The following MTUS1 variants were observed in gnomAD, a reference collection of about 807,000 sequenced individuals.
MTUS1 encodes the protein microtubule-associated tumor suppressor 1.
A neutral mutation model predicts 120.8 loss-of-function variants in MTUS1; 109 were observed. The observed-to-expected ratio is 0.90, with a 90% CI of 0.77 to 1.06. The LOEUF (loss-of-function observed/expected upper bound fraction) is 1.06. MTUS1 is among the 50% of genes least tolerant of loss of function. MTUS1 has a pLI of 0.00. For missense variants in MTUS1, 2,210 were observed against 1,486.3 expected (o/e 1.49, Z -8.01); for synonymous variants, 737 against 550.5 (o/e 1.34, Z -4.74).
chr8:17,645,690 G>C lies in MTUS1; in HGVS notation c.*236C>G, dbSNP rs1283126729. On this transcript the variant is annotated 3_prime_UTR_variant, in exon 15 of 15. Coordinates refer to ENST00000693296, the MANE Select transcript of MTUS1 (RefSeq NM_001363059.2). ...TGCTTTGTGCAACAACGTCCGTGTC[G>C]ATGCCGAAATCTTTTTTTAAATCTT... 4 of 477,168 alleles carry C rather than the reference G, an allele frequency of 8.4e-6. No homozygotes were observed. Among genetic ancestry groups the C allele is most frequent in the South Asian group, 7.6e-5 (2 of 26,198 alleles). The allele number at this position is 477,168 out of a possible 1,614,324, so 29.6% of individuals were successfully genotyped here.
rs979584866 is a variant in MTUS1 at position 17,755,436 on chromosome 8, T to G, written c.372A>C (p.Leu124=). Reference sequence around the variant, plus strand: ...CAACACTCTGGCCCTCAACTGCTTCTAGGGAATGACAACTGTGTTGCAGAT... The same window carrying G: ...CAACACTCTGGCCCTCAACTGCTTCGAGGGAATGACAACTGTGTTGCAGAT... ...PKYLQHSCHS[L]EAVEGQSVEP... Residue 124 remains leucine (L), a synonymous_variant, in exon 2 of 15, where the codon CTA becomes CTC. Transcript: ENST00000693296. 1.2e-6 allele frequency: 2 copies of G among 1,614,216 alleles called. No homozygotes were observed. The highest frequency in any genetic ancestry group is 1.7e-6 in the Non-Finnish European group (2 of 1,180,014).
chr8:17,713,087 T>G, intron 6 of MTUS1, 127 bp downstream of exon 6: 1 of 766,790 alleles, frequency 1.3e-6, no homozygotes. Context: ...CATAAAAAGT[T>G]AGGTTTACAC....
At chr8:17,708,666 A>G (rs575916013) in intron 6 of MTUS1, 1 of 152,256 alleles carries the variant, frequency 6.6e-6, no homozygotes, top group African/African-American at 2.4e-5. Flanking sequence ...ATTAGGATGT[A>G]CCAGAAACTT....
chr8:17,644,120 G>C lies in MTUS1; in HGVS notation c.*1806C>G, dbSNP rs991836925. 4 of 152,144 alleles carry C rather than the reference G, an allele frequency of 2.6e-5. No individual in the cohort carries two copies. The highest frequency in any genetic ancestry group is 9.7e-5 in the African/African-American group (4 of 41,420). 9.4% of individuals were successfully genotyped at this position (152,144 alleles called of 1,614,324 possible). On this transcript the variant is annotated 3_prime_UTR_variant, in exon 15 of 15. Transcript: ENST00000693296. ...GGGGATGAATGGCAAACCCAACTTT[G>C]GCTAATGTCATTGAGAACAACTTGG...
chr8:17,717,417 A>G (rs1485135768), intron 4 of MTUS1, among the ~76,000 whole-genome samples: 6 of 152,226 alleles, frequency 3.9e-5, no homozygotes, highest in African/African-American at 1.4e-4. Flanking sequence ...TTCAATTAGC[A>G]TTTTAGCTTT....
At chr8:17,777,751 C>T (rs1307721986) in intron 1 of MTUS1, among the ~76,000 whole-genome samples, 1 of 152,108 alleles carries the variant, frequency 6.6e-6, no homozygotes, top group Non-Finnish European at 1.5e-5. Context: ...TATGACTTTC[C>T]ATTAAGAGTC....
intron 1 of MTUS1, among the ~76,000 whole-genome samples, chr8:17,771,001 T>C (rs2049982359): frequency 6.6e-6 from 1 of 152,130 alleles, no homozygotes; most frequent in African/African-American, 2.4e-5. Flanking sequence ...AAAAAAAGTT[T>C]TAAAGGTAAG....
At chr8:17,706,631 G>C (rs1330937551) in intron 6 of MTUS1, among the ~76,000 whole-genome samples, 1 of 152,188 alleles carries the variant, frequency 6.6e-6, no homozygotes, top group Admixed American at 6.5e-5. Flanking sequence ...TTGGCTATTT[G>C]AGTGAAGTGA....
intron 1 of MTUS1, among the ~76,000 whole-genome samples, chr8:17,767,160 T>C (rs1034158847): frequency 3.4e-5 from 5 of 149,196 alleles, no homozygotes; most frequent in African/African-American, 5.0e-5. Context: ...ACTTTTCTTT[T>C]TTCACTTTGG....
rs1245800702 is a variant in MTUS1 at position 17,755,409 on chromosome 8, C to T, written c.399G>A (p.Glu133=). ...GCTTCCACACAAAAGGCAAAGATGG[C>T]TCAACACTCTGGCCCTCAACTGCTT... is the stretch of plus-strand genomic sequence containing the variant. The part of the protein sequence containing the change: ...SLEAVEGQSV[E]PSLPFVWKPN... Residue 133 remains glutamate, a synonymous_variant, in exon 2 of 15, where the codon GAG becomes GAA. Transcript: ENST00000693296. 6.2e-7 allele frequency: 1 copy of T among 1,614,072 alleles called. No homozygotes were observed. The highest frequency in any genetic ancestry group is 8.5e-7 in the Non-Finnish European group (1 of 1,180,028).
At position 17,715,862 on chromosome 8, in the gene MTUS1, G is replaced by C. The variant is rs777917737; in HGVS notation, c.2489C>G (p.Pro830Arg). The change falls in exon 5 of 15, where the codon CCA becomes CGA. Residue 830 changes from proline to arginine, a missense_variant. Transcript: ENST00000693296. ...GGAACCATTCTGAAATGCTGGTTTTGGAGGTTTCTCCTCATATTTGATGAC... is the reference window on the plus strand; with the variant it reads ...GGAACCATTCTGAAATGCTGGTTTTCGAGGTTTCTCCTCATATTTGATGAC... ...AAVIKYEEKP[P>R]KPAFQNGSSG... 6 of 1,613,862 alleles carry C rather than the reference G, an allele frequency of 3.7e-6. No individual in the cohort carries two copies. In the East Asian group the frequency reaches 8.9e-5, roughly 24 times the overall value.
chr8:17,723,495 A>G, intron 4 of MTUS1, 177 bp downstream of exon 4: 1 of 686,878 alleles, frequency 1.5e-6, no homozygotes, highest in Non-Finnish European at 2.6e-6. Context: ...TAATTATTTC[A>G]AGAGTGTTTT....
chr8:17,779,152 T>C (rs1422810071), intron 1 of MTUS1, among the ~76,000 whole-genome samples: 1 of 152,220 alleles, frequency 6.6e-6, no homozygotes, highest in Non-Finnish European at 1.5e-5. Flanking sequence ...AGGCAGAGAC[T>C]GGAAAGGTTT....
At chr8:17,799,017 AT>A (rs34607430) in intron 1 of MTUS1, among the ~76,000 whole-genome samples, 6,311 of 149,358 alleles carry the variant, frequency 0.042, 401 homozygotes, top group African/African-American at 0.14. Flanking sequence ...CCTGGGAAGA[AT>A]TTTTTTTTTT....
intron 1 of MTUS1, among the ~76,000 whole-genome samples, chr8:17,765,678 C>CCACACACA (rs60406848): frequency 0.14 from 18,671 of 129,938 alleles, 1,499 homozygotes; most frequent in Non-Finnish European, 0.18. Flanking sequence ...AATACAGACA[C>CCACACACA]CACACACACA....
At chr8:17,747,424 C>T (rs970602565) in intron 2 of MTUS1, among the ~76,000 whole-genome samples, 1 of 152,144 alleles carries the variant, frequency 6.6e-6, no homozygotes, top group African/African-American at 2.4e-5. Flanking sequence ...ACACTCCCAA[C>T]TTAGCAATCA....
intron 1 of MTUS1, among the ~76,000 whole-genome samples, chr8:17,765,775 G>A (rs1201068115): frequency 6.7e-6 from 1 of 149,320 alleles, no homozygotes; most frequent in Non-Finnish European, 1.5e-5. Context: ...TCAGAGACAG[G>A]TCAACTCAAT....
chr8:17,646,804 C>T (rs375629463), intron 14 of MTUS1, among the ~76,000 whole-genome samples, 178 bp downstream of exon 14: 10 of 152,240 alleles, frequency 6.6e-5, no homozygotes, highest in African/African-American at 1.4e-4. Flanking sequence ...GTTTTCAGGC[C>T]GCTTTGGTAA....
intron 13 of MTUS1, among the ~76,000 whole-genome samples, chr8:17,648,728 G>C (rs1384802915): frequency 1.3e-5 from 2 of 152,216 alleles, no homozygotes; most frequent in African/African-American, 4.8e-5. Context: ...AAACCAAGCA[G>C]CAGAGAGGTC....
Sources: allele counts gnomAD v4.1 joint callset (sites outside exome capture counted in the v4.1 genomes callset), GRCh38; gene constraint gnomAD v4.1.1; transcripts MANE v1.5; gene names NCBI Gene and HGNC (gene_info 2026-07-23, HGNC 2026-07-21).